ELAPOR2: variants seen among roughly 807,000 people sequenced by gnomAD.
The protein encoded by ELAPOR2 is endosome-lysosome associated apoptosis and autophagy regulator family member 2, also known as endosome/lysosome-associated apoptosis and autophagy regulator family member 2.
Under a neutral mutation model 120.7 loss-of-function variants are expected in ELAPOR2, and 89 were observed. The observed-to-expected ratio is 0.74, with a 90% CI of 0.62 to 0.88. The LOEUF (loss-of-function observed/expected upper bound fraction) is 0.88. ELAPOR2 is among the 40% of genes least tolerant of loss of function. ELAPOR2 has a pLI of 0.00. For missense variants in ELAPOR2, 1,134 were observed against 1,251.6 expected (o/e 0.91, Z 1.42); for synonymous variants, 444 against 444.9 (o/e 1.00, Z 0.03).
chr7:86,935,223 C>T (rs978674259), intron 8 of ELAPOR2, among the ~76,000 whole-genome samples: 2 of 152,014 alleles, frequency 1.3e-5, no homozygotes, highest in African/African-American at 4.8e-5. Context: ...TGAAACCATG[C>T]CTTTTCTAGC....
chr7:86,978,265 G>A (rs755098568), intron 1 of ELAPOR2, among the ~76,000 whole-genome samples: 3 of 152,084 alleles, frequency 2.0e-5, no homozygotes, highest in Non-Finnish European at 4.4e-5. Context: ...TGAGGCCTCC[G>A]CAGCCATGTG....
intron 21 of ELAPOR2, among the ~76,000 whole-genome samples, chr7:86,882,159 C>A (rs1204416963): frequency 6.6e-6 from 1 of 152,154 alleles, no homozygotes; most frequent in Non-Finnish European, 1.5e-5. Context: ...TGTTTAACAG[C>A]CTTAACAATT....
At chr7:87,043,012 A>G (rs1464030506) in intron 1 of ELAPOR2, among the ~76,000 whole-genome samples, 1 of 152,240 alleles carries the variant, frequency 6.6e-6, no homozygotes, top group Non-Finnish European at 1.5e-5. Flanking sequence ...AAAATCTAGA[A>G]GAAATGGATA....
rs1015893653 is a variant in ELAPOR2 at position 86,878,788 on chromosome 7, T to A, written c.*1683A>T. The A allele has an allele frequency of 6.6e-6, 1 of 152,092 alleles. No individual in the cohort carries two copies. The highest frequency in any genetic ancestry group is 2.4e-5 in the African/African-American group (1 of 41,420). The allele number at this position is 152,092 out of a possible 1,614,324, so 9.4% of individuals were successfully genotyped here. On this transcript the variant is annotated 3_prime_UTR_variant, in exon 22 of 22. Transcript: ENST00000450689. ...TTATAAGAACATTCAAGAAATTAAA[T>A]GCAAAAAAAGGTTTATGCAAAGTGA...
At chr7:86,911,004 GA>G (rs1378086024) in intron 15 of ELAPOR2, among the ~76,000 whole-genome samples, 1 of 151,346 alleles carries the variant, frequency 6.6e-6, no homozygotes, top group Admixed American at 6.6e-5. Flanking sequence ...ACTGGGGAAA[GA>G]AAAAGGAAAA....
chr7:86,949,198 T>A (rs998356217), intron 2 of ELAPOR2, among the ~76,000 whole-genome samples: 2 of 152,224 alleles, frequency 1.3e-5, no homozygotes, highest in Non-Finnish European at 2.9e-5. Context: ...ATGCAAAGAA[T>A]GTGGCATGCT....
chr7:86,924,137 T>C (rs918397900), intron 10 of ELAPOR2, among the ~76,000 whole-genome samples: 4 of 152,058 alleles, frequency 2.6e-5, no homozygotes, highest in Admixed American at 2.6e-4. Flanking sequence ...CATCACCTTT[T>C]ATCTTTGTAG....
intron 21 of ELAPOR2, chr7:86,891,119 A>G (rs1788138529): frequency 6.6e-6 from 1 of 152,102 alleles, no homozygotes; most frequent in African/African-American, 2.4e-5. Context: ...ATTTTACCTC[A>G]CATACCTCAA....
intron 3 of ELAPOR2, among the ~76,000 whole-genome samples, chr7:86,946,592 G>A (rs1425598148): frequency 2.0e-5 from 3 of 152,026 alleles, no homozygotes; most frequent in Non-Finnish European, 2.9e-5. Context: ...TCTCCATGTT[G>A]GTCAGGCTGG....
chr7:86,986,422 C>A (rs1168164576), intron 1 of ELAPOR2, among the ~76,000 whole-genome samples: 1 of 88,606 alleles, frequency 1.1e-5, no homozygotes, highest in Non-Finnish European at 2.2e-5. Context: ...GAGCGAGACT[C>A]CGTCTCAAAA....
chr7:86,919,347 T>G, intron 10 of ELAPOR2, 37 bp from the exon 11 acceptor site: 2 of 1,242,180 alleles, frequency 1.6e-6, no homozygotes, highest in Non-Finnish European at 2.3e-6. Context: ...TAATAAAAAT[T>G]CCATTAATGA....
intron 1 of ELAPOR2, among the ~76,000 whole-genome samples, chr7:86,978,775 G>T (rs1792363811): frequency 6.6e-6 from 1 of 152,116 alleles, no homozygotes; most frequent in African/African-American, 2.4e-5. Context: ...TAAGGCTATA[G>T]GAATAAATAT....
At chr7:86,911,170 T>G (rs143705928) in intron 15 of ELAPOR2, among the ~76,000 whole-genome samples, 1 of 152,260 alleles carries the variant, frequency 6.6e-6, no homozygotes, top group African/African-American at 2.4e-5. Context: ...TCTTATTCAC[T>G]GCTTCCCACA....
Position 86,881,283 on chromosome 7 carries a change from G to A in ELAPOR2, c.3031-753C>T, listed in dbSNP as rs186283145. On this transcript the variant is annotated intron_variant, in intron 21 of 21. Transcript: ENST00000450689. The stretch of plus-strand genomic sequence containing the variant: ...GTAATCTCAGCTCACTGTCACCTCT[G>A]CCTCCCAGGCTCAAGTAATCCTCCC... Among the ~76,000 whole-genome samples the A allele has an allele frequency of 1.9e-4, 29 of 151,952 alleles. 1 individual carries two copies. The East Asian group carries it at 5.6e-3, about 29-fold the overall frequency.
chr7:87,008,006 A>T (rs1793541064), intron 1 of ELAPOR2, among the ~76,000 whole-genome samples: 1 of 152,206 alleles, frequency 6.6e-6, no homozygotes, highest in African/African-American at 2.4e-5. Flanking sequence ...GAGGACCGGG[A>T]TATTTATACA....
chr7:86,903,402 T>A (rs1788810717), intron 18 of ELAPOR2, among the ~76,000 whole-genome samples: 1 of 152,240 alleles, frequency 6.6e-6, no homozygotes, highest in Non-Finnish European at 1.5e-5. Context: ...CTTTTTAATT[T>A]AACTTGCACA....
intron 1 of ELAPOR2, among the ~76,000 whole-genome samples, chr7:86,979,829 G>C (rs1258032404): frequency 6.6e-6 from 1 of 152,128 alleles, no homozygotes; most frequent in African/African-American, 2.4e-5. Context: ...GACTCCCAGG[G>C]GTGTCCAAGG....
rs1454691567 is a variant in ELAPOR2, at chr7:86,908,495, A to C, written c.2408T>G (p.Met803Arg). 6.3e-7 allele frequency: 1 copy of C among 1,586,444 alleles called. No homozygotes were observed. Among genetic ancestry groups the C allele is most frequent in the Non-Finnish European group, 8.6e-7 (1 of 1,165,918 alleles). ...TLKNINIKED[M>R]FPVPTSQIPD... Reference sequence around the variant, plus strand: ...TATTTGGCTTGTTGGAACTGGGAACATATCTTCTTTTATATTAATATTTTT... The same window carrying C: ...TATTTGGCTTGTTGGAACTGGGAACCTATCTTCTTTTATATTAATATTTTT... The change falls in exon 17 of 22, where the codon ATG (methionine) becomes AGG (arginine). Residue 803 changes from methionine (M) to arginine (R), a missense_variant. Around this residue, in one of 3 missense-constraint regions of ELAPOR2, gnomAD observed 831 missense variants for 867.6 expected, o/e 0.96. Transcript: ENST00000450689.
intron 1 of ELAPOR2, among the ~76,000 whole-genome samples, chr7:87,042,037 G>C (rs1463738600): frequency 6.6e-6 from 1 of 150,676 alleles, no homozygotes; most frequent in Non-Finnish European, 1.5e-5. Context: ...ATGGTAAAGG[G>C]ATCAATTCAA....
Sources: gnomAD v4.1 joint callset for allele counts (sites outside exome capture counted in the v4.1 genomes callset) on GRCh38, gnomAD v4.1.1 for gene constraint, gnomAD v4.1.1 regional missense constraint, MANE v1.5 for transcripts, NCBI Gene and HGNC (gene_info 2026-07-23, HGNC 2026-07-21) for gene names.